NCKAP5: variants seen among roughly 807,000 people sequenced by gnomAD.
The protein encoded by NCKAP5 is NCK associated protein 5.
In NCKAP5, 92 loss-of-function variants were observed where a neutral mutation model predicts 167.0. The observed-to-expected ratio is 0.55, with a 90% CI of 0.47 to 0.66. NCKAP5 has a LOEUF of 0.66. Among genes scored for constraint, NCKAP5 ranks in the 30% least tolerant of loss-of-function variants. The probability of loss-of-function intolerance (pLI) is 0.00; values close to 1 mark genes in which losing one functional copy is unlikely to be tolerated. For synonymous variants in NCKAP5, 891 were observed against 877.4 expected (o/e 1.02, Z -0.27); for missense variants, 2,378 against 2,315.0 (o/e 1.03, Z -0.56).
At chr2:133,166,847 A>G (rs2149969838) in intron 5 of NCKAP5, among the ~76,000 whole-genome samples, 1 of 152,334 alleles carries the variant, frequency 6.6e-6, no homozygotes, top group Admixed American at 6.5e-5. Context: ...TGTGATTTAA[A>G]GTACATTTTT....
At chr2:132,706,595 C>G (rs1558948838) in intron 19 of NCKAP5, among the ~76,000 whole-genome samples, 1 of 152,196 alleles carries the variant, frequency 6.6e-6, no homozygotes, top group Non-Finnish European at 1.5e-5. Flanking sequence ...AACTTCTTGC[C>G]TAGCTAGGTG....
At chr2:133,166,357 T>C (rs943530214) in intron 5 of NCKAP5, among the ~76,000 whole-genome samples, 3 of 152,250 alleles carry the variant, frequency 2.0e-5, no homozygotes, top group African/African-American at 7.2e-5. Flanking sequence ...CATTATTATA[T>C]CATGAATAAC....
At chr2:132,871,393 T>A (rs1319207962) in intron 9 of NCKAP5, among the ~76,000 whole-genome samples, 1 of 152,228 alleles carries the variant, frequency 6.6e-6, no homozygotes, top group African/African-American at 2.4e-5. Flanking sequence ...CAAAGTTAAT[T>A]CATGCCATAA....
intron 11 of NCKAP5, among the ~76,000 whole-genome samples, chr2:132,844,634 A>G (rs889651713): frequency 4.6e-5 from 7 of 152,182 alleles, no homozygotes; most frequent in African/African-American, 1.7e-4. Flanking sequence ...TTAACTTGAT[A>G]CTTTTAAACT....
At chr2:133,093,293 G>A (rs771895177) in intron 6 of NCKAP5, among the ~76,000 whole-genome samples, 25 of 152,152 alleles carry the variant, frequency 1.6e-4, no homozygotes, top group Non-Finnish European at 3.1e-4. Flanking sequence ...ATTCCATGTA[G>A]TGAAGATCTT....
At chr2:132,774,599 T>A (rs1299647497) in intron 15 of NCKAP5, among the ~76,000 whole-genome samples, 1 of 152,168 alleles carries the variant, frequency 6.6e-6, no homozygotes, top group Admixed American at 6.5e-5. Flanking sequence ...ATTTTACAGA[T>A]GAGAATTCTG....
At chr2:132,812,708 A>C (rs965791414) in intron 11 of NCKAP5, among the ~76,000 whole-genome samples, 6 of 152,242 alleles carry the variant, frequency 3.9e-5, no homozygotes, top group Non-Finnish European at 8.8e-5. Context: ...GGGCTGTCTT[A>C]GTCTTTTCAA....
intron 16 of NCKAP5, among the ~76,000 whole-genome samples, chr2:132,768,359 C>T (rs1681702316): frequency 6.6e-6 from 1 of 152,116 alleles, no homozygotes; most frequent in Admixed American, 6.5e-5. Flanking sequence ...CAGTACAAGA[C>T]AATGAATGGT....
chr2:132,715,211 A>C (rs552051965), intron 19 of NCKAP5, among the ~76,000 whole-genome samples: 5 of 152,264 alleles, frequency 3.3e-5, no homozygotes, highest in African/African-American at 1.2e-4. Context: ...GCACATGATA[A>C]TAGTTACTTC....
chr2:133,051,983 A>G (rs1237148958), intron 6 of NCKAP5, among the ~76,000 whole-genome samples: 2 of 152,226 alleles, frequency 1.3e-5, no homozygotes, highest in African/African-American at 2.4e-5. Context: ...CTGACAGCCT[A>G]CAGAGTACCA....
chr2:133,040,604 A>G (rs1177323957), intron 6 of NCKAP5, among the ~76,000 whole-genome samples: 1 of 152,214 alleles, frequency 6.6e-6, no homozygotes, highest in Non-Finnish European at 1.5e-5. Context: ...TATTTTAAAA[A>G]TCTATTTACA....
At chr2:133,114,974 C>A (rs551796811) in intron 6 of NCKAP5, among the ~76,000 whole-genome samples, 90 of 152,154 alleles carry the variant, frequency 5.9e-4, no homozygotes, top group Non-Finnish European at 9.7e-4. Flanking sequence ...TAATTATATT[C>A]TTCTTTCTCC....
intron 8 of NCKAP5, among the ~76,000 whole-genome samples, chr2:132,919,808 T>C (rs1006812137): frequency 6.6e-6 from 1 of 152,216 alleles, no homozygotes; most frequent in Non-Finnish European, 1.5e-5. Context: ...TTAGGGCTTA[T>C]ATGAAATATA....
intron 8 of NCKAP5, among the ~76,000 whole-genome samples, chr2:132,911,705 G>A (rs184736898): frequency 6.6e-6 from 1 of 152,242 alleles, no homozygotes; most frequent in East Asian, 1.9e-4. Context: ...ATTTTCCTTT[G>A]CCCTCCTATG....
At chr2:132,773,551 A>G (rs934687206) in intron 16 of NCKAP5, among the ~76,000 whole-genome samples, 2 of 152,224 alleles carry the variant, frequency 1.3e-5, no homozygotes, top group African/African-American at 4.8e-5. Context: ...ATTACTCAGT[A>G]TCACTTTCAT....
chr2:133,578,415 G>A, the NCKAP5 span, among the ~76,000 whole-genome samples: 2 of 152,220 alleles, frequency 1.3e-5, no homozygotes, highest in African/African-American at 4.8e-5. Flanking sequence ...TGGGGAAGAC[G>A]CAGACATGCA....
rs184143374 is a variant in NCKAP5, at chr2:133,256,982, C to T, written c.144-43203G>A. Among the ~76,000 whole-genome samples, 61 of 152,240 alleles carry T rather than the reference C, an allele frequency of 4.0e-4. 1 individual carries two copies. The highest frequency in any genetic ancestry group is 1.4e-3 in the African/African-American group (58 of 41,544). ...CCCTCTACAGACTGTAGGACCTACGCGCGCACACAATCACTACTCAAAAGA... is the reference window on the plus strand; with the variant it reads ...CCCTCTACAGACTGTAGGACCTACGTGCGCACACAATCACTACTCAAAAGA... On this transcript the variant is annotated intron_variant, in intron 4 of 19. Coordinates refer to ENST00000409261, the MANE Select transcript of NCKAP5 (RefSeq NM_207363.3).
intron 3 of NCKAP5, among the ~76,000 whole-genome samples, chr2:133,308,388 A>G (rs1047868569): frequency 1.7e-4 from 26 of 151,738 alleles, no homozygotes; most frequent in African/African-American, 5.3e-4. Flanking sequence ...GCGCCCGGCT[A>G]TTGTTCTATT....
At chr2:133,417,094 ATCTT>A (rs1429987658) in intron 3 of NCKAP5, among the ~76,000 whole-genome samples, 1 of 150,658 alleles carries the variant, frequency 6.6e-6, no homozygotes, top group African/African-American at 2.5e-5. Context: ...TAATGAAAAT[ATCTT>A]TCTTTTTTGC....
Sources: allele counts gnomAD v4.1 joint callset (sites outside exome capture counted in the v4.1 genomes callset), GRCh38; gene constraint gnomAD v4.1.1; transcripts MANE v1.5; gene names NCBI Gene and HGNC (gene_info 2026-07-23, HGNC 2026-07-21).